The following RALGPS1 variants were observed in gnomAD, a reference collection of about 807,000 sequenced individuals.
The protein encoded by RALGPS1 is Ral GEF with PH domain and SH3 binding motif 1, also known as ras-specific guanine nucleotide-releasing factor RalGPS1.
A neutral mutation model predicts 78.8 loss-of-function variants in RALGPS1; 19 were observed. The ratio of observed to expected loss-of-function variants is 0.24; its 90% CI spans 0.17 to 0.35. The LOEUF is 0.35. Among genes scored for constraint, RALGPS1 ranks in the 10% least tolerant of loss-of-function variants. The pLI is 1.00. For missense variants in RALGPS1, 454 were observed against 688.3 expected, an observed-to-expected ratio of 0.66 and a Z score of 3.81; for synonymous variants, 228 against 256.3, an observed-to-expected ratio of 0.89 and a Z score of 1.06.
Position 127,212,795 on chromosome 9 carries a change from G to A in RALGPS1, c.1446+76G>A. On this transcript the variant is annotated intron_variant, in intron 16 of 18. Coordinates refer to ENST00000259351, the MANE Select transcript of RALGPS1 (RefSeq NM_014636.3). The surrounding 1 kb of genome is among the most constrained non-coding windows in gnomAD (Gnocchi z 6.0). ...GGACCTCTGTGAACTGTGGAGGATG[G>A]GGGTGGGAAAGGGATCTGTGTGAAC... 6.6e-7 allele frequency: 1 copy of A among 1,526,490 alleles called. No individual in the cohort carries two copies. The highest frequency in any genetic ancestry group is 1.2e-5 in the South Asian group (1 of 86,590). The allele number at this position is 1,526,490 out of a possible 1,614,324, so 94.6% of individuals were successfully genotyped here. A position where few individuals can be genotyped will look rare whatever the true frequency, so the allele number is the denominator to read the frequency against.
intron 8 of RALGPS1, among the ~76,000 whole-genome samples, chr9:127,078,867 A>C (rs948983729): frequency 6.6e-6 from 1 of 152,224 alleles, no homozygotes; most frequent in Non-Finnish European, 1.5e-5. Context: ...ACAAAAACTC[A>C]TGTTTACTGT....
intron 1 of RALGPS1, among the ~76,000 whole-genome samples, chr9:126,939,442 C>G (rs1469029991): frequency 5.3e-5 from 8 of 152,220 alleles, no homozygotes; most frequent in Non-Finnish European, 1.0e-4. Context: ...GTGATCAACA[C>G]TTATTGCACA....
At chr9:127,102,303 T>G (rs898540203) in intron 8 of RALGPS1, among the ~76,000 whole-genome samples, 7 of 151,902 alleles carry the variant, frequency 4.6e-5, no homozygotes, top group Non-Finnish European at 7.4e-5. Context: ...GTGCCAGCAT[T>G]TGTATGAGGC....
intron 8 of RALGPS1, chr9:127,087,572 C>G (rs1232194758): frequency 1.3e-5 from 2 of 152,642 alleles, no homozygotes; most frequent in Non-Finnish European, 2.9e-5. Flanking sequence ...ACCTTCTTGA[C>G]TCATCCCTTG....
intron 8 of RALGPS1, among the ~76,000 whole-genome samples, chr9:127,121,824 C>G (rs1350965702): frequency 6.6e-6 from 1 of 152,204 alleles, no homozygotes; most frequent in Non-Finnish European, 1.5e-5. Context: ...CTGTAACTCT[C>G]CGAGCAGGGG....
chr9:127,158,762 A>G (rs905741949), intron 8 of RALGPS1, among the ~76,000 whole-genome samples: 2 of 132,616 alleles, frequency 1.5e-5, no homozygotes, highest in Admixed American at 7.4e-5. Context: ...GAGGCTGTGG[A>G]CTTTTCTCTC....
chr9:127,071,039 C>CTATATA (rs750189739), intron 8 of RALGPS1, among the ~76,000 whole-genome samples: 62 of 147,394 alleles, frequency 4.2e-4, no homozygotes, highest in African/African-American at 1.4e-3. Flanking sequence ...CTCTCTCTCT[C>CTATATA]TATATATATA....
chr9:126,968,877 G>A (rs919349400), intron 3 of RALGPS1, among the ~76,000 whole-genome samples: 1 of 152,142 alleles, frequency 6.6e-6, no homozygotes, highest in African/African-American at 2.4e-5. Flanking sequence ...AGAGAAACCA[G>A]GTCTCTACTA....
At chr9:127,186,500 G>A (rs561246161) in intron 11 of RALGPS1, among the ~76,000 whole-genome samples, 8 of 152,250 alleles carry the variant, frequency 5.3e-5, no homozygotes, top group Non-Finnish European at 1.2e-4. Context: ...AGCGGTCCCA[G>A]AAGACACGTG....
intron 1 of RALGPS1, among the ~76,000 whole-genome samples, chr9:126,958,126 TAAAA>T (rs11290290): frequency 1.3e-3 from 102 of 77,550 alleles, no homozygotes; most frequent in South Asian, 9.7e-3. Context: ...GCTGTCTCTT[TAAAA>T]AAAAAAAAAA....
chr9:126,958,141 A>AT (rs1231223554), intron 1 of RALGPS1, among the ~76,000 whole-genome samples: 2,108 of 90,244 alleles, frequency 0.023, 42 homozygotes, highest in African/African-American at 0.065. Context: ...AAAAAAAAAA[A>AT]AATATATATA....
intron 4 of RALGPS1, among the ~76,000 whole-genome samples, chr9:127,033,547 G>A (rs1668860562): frequency 6.6e-6 from 1 of 152,200 alleles, no homozygotes; most frequent in Admixed American, 6.5e-5. Context: ...TAATACTGAG[G>A]CCTGGTAGGA....
At chr9:127,180,672 T>C (rs530636389) in intron 11 of RALGPS1, among the ~76,000 whole-genome samples, 139 of 152,270 alleles carry the variant, frequency 9.1e-4, no homozygotes, top group African/African-American at 2.6e-3. Context: ...GGGGAGTTGG[T>C]AGGGGGACAG....
chr9:127,174,122 TG>T (rs1440736447), intron 10 of RALGPS1, among the ~76,000 whole-genome samples: 1 of 150,994 alleles, frequency 6.6e-6, no homozygotes, highest in Admixed American at 6.6e-5. Flanking sequence ...TAGCTGGGGT[TG>T]GGGACGCATG....
intron 1 of RALGPS1, among the ~76,000 whole-genome samples, chr9:126,950,608 T>C (rs1176248757): frequency 6.6e-6 from 1 of 152,010 alleles, no homozygotes; most frequent in South Asian, 2.1e-4. Flanking sequence ...AGATGTTCTT[T>C]GAAACCAACG....
chr9:127,116,506 C>T (rs1372100011), intron 8 of RALGPS1, among the ~76,000 whole-genome samples: 3 of 152,166 alleles, frequency 2.0e-5, no homozygotes, highest in African/African-American at 4.8e-5. Context: ...TCTGCAGAAG[C>T]CATTTCAGAG....
chr9:127,113,393 C>G (rs907285474), intron 8 of RALGPS1, among the ~76,000 whole-genome samples: 1 of 152,050 alleles, frequency 6.6e-6, no homozygotes, highest in Non-Finnish European at 1.5e-5. Flanking sequence ...TCCCCTCCCC[C>G]CAGCAGTTTT....
intron 3 of RALGPS1, among the ~76,000 whole-genome samples, chr9:126,967,412 CTG>C (rs2039621619): frequency 6.6e-6 from 1 of 152,196 alleles, no homozygotes; most frequent in South Asian, 2.1e-4. Flanking sequence ...TCTGCTCACT[CTG>C]TGTTCAAATG....
chr9:127,034,853 G>A (rs1341607815), intron 5 of RALGPS1, among the ~76,000 whole-genome samples: 1 of 151,876 alleles, frequency 6.6e-6, no homozygotes, highest in Admixed American at 6.6e-5. Context: ...CCTCCTCCTG[G>A]CCTTCCTTCT....
Sources: allele counts gnomAD v4.1 joint callset (sites outside exome capture counted in the v4.1 genomes callset), GRCh38; gene constraint gnomAD v4.1.1; non-coding constraint Gnocchi (gnomAD v3.1); transcripts MANE v1.5; gene names NCBI Gene and HGNC (gene_info 2026-07-23, HGNC 2026-07-21).